SHISA6: variants seen among roughly 807,000 people sequenced by gnomAD.
The protein encoded by SHISA6 is protein shisa-6.
Under a neutral mutation model 47.9 loss-of-function variants are expected in SHISA6, and 22 were observed. That is an observed-to-expected ratio of 0.46 (90% CI 0.33 to 0.66). SHISA6 has a LOEUF of 0.66. SHISA6 is among the 30% of genes least tolerant of loss of function. The pLI, the probability that SHISA6 is intolerant of heterozygous loss-of-function variation, is 0.02. For synonymous variants in SHISA6, 388 were observed against 337.8 expected (o/e 1.15, Z -1.63); for missense variants, 680 against 764.6 (o/e 0.89, Z 1.30).
chr17:11,484,978 A>G (rs1293070359), intron 3 of SHISA6, among the ~76,000 whole-genome samples: 1 of 152,146 alleles, frequency 6.6e-6, no homozygotes, highest in Non-Finnish European at 1.5e-5. Context: ...GTGTTATTTT[A>G]CCCTCACAGT....
At chr17:11,350,405 C>T (rs1477861111) in intron 2 of SHISA6, among the ~76,000 whole-genome samples, 4 of 151,220 alleles carry the variant, frequency 2.6e-5, no homozygotes, top group African/African-American at 9.7e-5. Context: ...TGGTCTCGAT[C>T]TCCTGACCTT....
At chr17:11,339,717 T>G (rs955169195) in intron 2 of SHISA6, among the ~76,000 whole-genome samples, 14 of 152,162 alleles carry the variant, frequency 9.2e-5, no homozygotes, top group African/African-American at 3.4e-4. Context: ...GGTTCATGTG[T>G]AAATGAGGTG....
intron 3 of SHISA6, among the ~76,000 whole-genome samples, chr17:11,499,499 CA>C (rs1204201118): frequency 6.6e-6 from 1 of 152,114 alleles, no homozygotes; most frequent in Non-Finnish European, 1.5e-5. Flanking sequence ...TCTTCCTTAG[CA>C]AAACAACTCC....
At chr17:11,546,142 C>T (rs929010111) in intron 3 of SHISA6, among the ~76,000 whole-genome samples, 2 of 152,174 alleles carry the variant, frequency 1.3e-5, no homozygotes, top group East Asian at 1.9e-4. Context: ...TTTATCTCTT[C>T]CAAACACACA....
intron 3 of SHISA6, among the ~76,000 whole-genome samples, chr17:11,467,160 A>T (rs1430116438): frequency 6.6e-6 from 1 of 152,212 alleles, no homozygotes. Flanking sequence ...TGTGGGTTCA[A>T]GGATCTATTT....
At chr17:11,406,823 C>T (rs895540753) in intron 3 of SHISA6, among the ~76,000 whole-genome samples, 1 of 152,128 alleles carries the variant, frequency 6.6e-6, no homozygotes, top group Non-Finnish European at 1.5e-5. Flanking sequence ...GGCATATTTG[C>T]TCAAACTAGT....
At chr17:11,546,445 C>T (rs1420734079) in intron 3 of SHISA6, among the ~76,000 whole-genome samples, 1 of 152,096 alleles carries the variant, frequency 6.6e-6, no homozygotes, top group Non-Finnish European at 1.5e-5. Flanking sequence ...CATGAAGTAC[C>T]ACATAAGATA....
At chr17:11,366,821 A>T (rs538738757) in intron 2 of SHISA6, among the ~76,000 whole-genome samples, 1 of 152,334 alleles carries the variant, frequency 6.6e-6, no homozygotes, top group East Asian at 1.9e-4. Context: ...GGAGGGTTGC[A>T]GGAATAAAGT....
At chr17:11,402,703 A>G (rs1009674792) in intron 3 of SHISA6, among the ~76,000 whole-genome samples, 7 of 152,360 alleles carry the variant, frequency 4.6e-5, no homozygotes, top group African/African-American at 1.7e-4. Flanking sequence ...CCAAGTTTCA[A>G]GAGAGCAAGG....
At chr17:11,337,976 T>C (rs1911381738) in intron 2 of SHISA6, among the ~76,000 whole-genome samples, 2 of 152,126 alleles carry the variant, frequency 1.3e-5, no homozygotes, top group South Asian at 4.1e-4. Flanking sequence ...CTTTAGGAAG[T>C]CTTGGAAGAA....
intron 3 of SHISA6, among the ~76,000 whole-genome samples, chr17:11,410,472 A>ACTATCTC (rs1348118740): frequency 1.7e-4 from 26 of 152,338 alleles, no homozygotes; most frequent in Admixed American, 5.9e-4. Flanking sequence ...AAGTGGCAGA[A>ACTATCTC]CTAGTATTTG....
At chr17:11,515,279 G>A (rs1597562683) in intron 3 of SHISA6, among the ~76,000 whole-genome samples, 3 of 120,518 alleles carry the variant, frequency 2.5e-5, no homozygotes, top group African/African-American at 3.0e-5. Context: ...AATAGAGAAA[G>A]AAAAGAAAAG....
chr17:11,315,207 C>A (rs1193029355), intron 2 of SHISA6, among the ~76,000 whole-genome samples: 2 of 152,068 alleles, frequency 1.3e-5, no homozygotes, highest in African/African-American at 4.8e-5. Context: ...GGCATTTTAT[C>A]ATTTTTCTTA....
chr17:11,342,550 G>T (rs1417213228), intron 2 of SHISA6, among the ~76,000 whole-genome samples: 1 of 152,236 alleles, frequency 6.6e-6, no homozygotes, highest in East Asian at 1.9e-4. Flanking sequence ...AGAGGATAAA[G>T]ATGTTCCCAA....
chr17:11,358,707 A>G (rs567911436), intron 2 of SHISA6, among the ~76,000 whole-genome samples: 22 of 147,968 alleles, frequency 1.5e-4, no homozygotes, highest in African/African-American at 5.3e-4. Flanking sequence ...TCTGTTGTCC[A>G]GGCTGGAGTG....
intron 3 of SHISA6, among the ~76,000 whole-genome samples, chr17:11,389,456 T>C (rs1347430407): frequency 6.6e-6 from 1 of 152,236 alleles, no homozygotes; most frequent in Non-Finnish European, 1.5e-5. Context: ...AGAGAGACTT[T>C]AGGACACTGA....
chr17:11,384,964 A>G (rs531573799), intron 3 of SHISA6, among the ~76,000 whole-genome samples: 12 of 152,280 alleles, frequency 7.9e-5, no homozygotes, highest in African/African-American at 2.9e-4. Context: ...ACTAAATCAC[A>G]TTTCCTGAGC....
chr17:11,258,649 A>T (rs1259607110), intron 1 of SHISA6, among the ~76,000 whole-genome samples: 1 of 152,186 alleles, frequency 6.6e-6, no homozygotes, highest in Non-Finnish European at 1.5e-5. Context: ...CAGGGCCCTC[A>T]CTTCCCACTG....
chr17:11,556,668 G>T (rs781598951), intron 5 of SHISA6, among the ~76,000 whole-genome samples: 1 of 152,094 alleles, frequency 6.6e-6, no homozygotes, highest in South Asian at 2.1e-4. Flanking sequence ...CCACCTCCAT[G>T]GTGAAACGTG....
Sources: allele counts gnomAD v4.1 joint callset (sites outside exome capture counted in the v4.1 genomes callset), GRCh38; gene constraint gnomAD v4.1.1; transcripts MANE v1.5; gene names NCBI Gene and HGNC (gene_info 2026-07-23, HGNC 2026-07-21).